ADGRE3: variants seen among roughly 807,000 people sequenced by gnomAD.
ADGRE3 encodes adhesion G protein-coupled receptor E3.
Under a neutral mutation model 80.1 loss-of-function variants are expected in ADGRE3, and 88 were observed. The observed-to-expected ratio is 1.10, with a 90% confidence interval of 0.93 to 1.31. The LOEUF is 1.31. Ranked by LOEUF, ADGRE3 falls within the 40% of genes most tolerant of loss-of-function variation. ADGRE3 has a pLI of 0.00. For missense variants in ADGRE3, 715 were observed against 776.5 expected (o/e 0.92, Z 0.94); for synonymous variants, 281 against 294.8 (o/e 0.95, Z 0.48).
chr19:14,668,620 T>A (rs1972168426), intron 2 of ADGRE3, 182 bp downstream of exon 2: 1 of 550,898 alleles, frequency 1.8e-6, no homozygotes, highest in South Asian at 2.6e-5. Context: ...AAACGATAAA[T>A]AAAAGGCTAT....
At position 14,640,503 on chromosome 19, in the gene ADGRE3, C is replaced by A. The variant is rs113819423; in HGVS notation, c.1248+916G>T. 3.2e-3 allele frequency among the ~76,000 whole-genome samples: 489 copies of A among 152,092 alleles called. 1 individual carries two copies. The highest frequency in any genetic ancestry group is 5.5e-3 in the Non-Finnish European group (373 of 67,996). On this transcript the variant is annotated intron_variant, in intron 10 of 15. Coordinates refer to ENST00000253673, the MANE Select transcript of ADGRE3 (RefSeq NM_032571.5). ...ACGGAGTTTTGCCATGTTGACCAGG[C>A]TGGCCTTGAACTCCTGACCTCAGGT...
chr19:14,606,778 G>A, the ADGRE3 span, among the ~76,000 whole-genome samples: 150,404 of 152,152 alleles, frequency 0.99, 74,339 homozygotes, highest in Middle Eastern at 1. Context: ...GGAGCAGTTC[G>A]CAGATTGCAT....
chr19:14,612,490 G>A, the ADGRE3 span, among the ~76,000 whole-genome samples: 4 of 152,030 alleles, frequency 2.6e-5, no homozygotes, highest in East Asian at 3.9e-4. Context: ...GTGCACCACC[G>A]TGCCTGGTTA....
chr19:14,626,035 G>A (rs143005133), intron 14 of ADGRE3, among the ~76,000 whole-genome samples: 39 of 152,236 alleles, frequency 2.6e-4, no homozygotes, highest in African/African-American at 8.2e-4. Context: ...ACCACATTGC[G>A]AATGTGATGC....
downstream of ADGRE3, among the ~76,000 whole-genome samples, chr19:14,616,919 T>A (rs2146780747): frequency 6.6e-6 from 1 of 151,176 alleles, no homozygotes; most frequent in Non-Finnish European, 1.5e-5. Context: ...CTCAGCCTCC[T>A]GAGTAGCTGG....
At chr19:14,612,634 C>G in the ADGRE3 span, among the ~76,000 whole-genome samples, 1 of 152,228 alleles carries the variant, frequency 6.6e-6, no homozygotes, top group South Asian at 2.1e-4. Flanking sequence ...TGTGCTGGGC[C>G]TACAACGACC....
At chr19:14,648,763 G>A (rs951042009) in intron 7 of ADGRE3, among the ~76,000 whole-genome samples, 1 of 152,164 alleles carries the variant, frequency 6.6e-6, no homozygotes, top group African/African-American at 2.4e-5. Flanking sequence ...CTGAGAAAGA[G>A]GTAGTTCTGG....
downstream of ADGRE3, among the ~76,000 whole-genome samples, chr19:14,617,346 C>CTTTCTTTCTTTCTTTCTTTCTTTCTT (rs1568469481): frequency 2.8e-3 from 204 of 72,688 alleles, 1 homozygote; most frequent in Middle Eastern, 6.1e-3. Flanking sequence ...CCCTCCCTTT[C>CTTTCTTTCTTTCTTTCTTTCTTTCTT]TTTCTTTCTT....
intron 15 of ADGRE3, among the ~76,000 whole-genome samples, chr19:14,619,930 G>A (rs532383783): frequency 2.0e-5 from 3 of 152,330 alleles, no homozygotes; most frequent in African/African-American, 7.2e-5. Context: ...AGAAGCCTAT[G>A]AGGTTAGTGC....
intron 2 of ADGRE3, among the ~76,000 whole-genome samples, chr19:14,665,085 A>G (rs1474413846): frequency 9.1e-6 from 1 of 109,714 alleles, no homozygotes; most frequent in African/African-American, 3.8e-5. Flanking sequence ...TTTTTTTGAG[A>G]CAGAGTCTCG....
chr19:14,662,145 A>G lies in ADGRE3; in HGVS notation c.200-27T>C, dbSNP rs376735197. The G allele has an allele frequency of 1.7e-3, 2,760 of 1,611,846 alleles. 57 individuals are homozygous for G. In the South Asian group the frequency reaches 0.029, roughly 17 times the overall value. ...TGGAACACAAAGAAGCAATTGGGTC[A>G]TTCATTCAGCAAAGATTTATTGAGC... On this transcript the variant is annotated intron_variant, in intron 3 of 15. Coordinates refer to ENST00000253673, the MANE Select transcript of ADGRE3 (RefSeq NM_032571.5).
chr19:14,627,151 C>T (rs1736604242), intron 14 of ADGRE3, among the ~76,000 whole-genome samples: 2 of 152,172 alleles, frequency 1.3e-5, no homozygotes, highest in Admixed American at 6.5e-5. Flanking sequence ...TAGCGGTATC[C>T]CTGACCTCCA....
Position 14,632,996 on chromosome 19 carries a change from A to C in ADGRE3, c.1568T>G (p.Phe523Cys), listed in dbSNP as rs142461083. ...CAIFSANLVL[F>C]ILVFWILKRK... ...TTTCAAAATCCAAAAGACCAAGATA[A>C]ACAATACTAAATTCGCCTGCAGGAC... is the stretch of plus-strand genomic sequence containing the variant. Residue 523 changes from phenylalanine (F) to cysteine (C), a missense_variant, in exon 13 of 16, where the codon TTT becomes TGT. Coordinates refer to ENST00000253673, the MANE Select transcript of ADGRE3 (RefSeq NM_032571.5). 469 of 1,613,744 alleles carry C rather than the reference A, an allele frequency of 2.9e-4. 1 individual carries two copies. The African/African-American group carries it at 3.4e-3, about 12-fold the overall frequency.
intron 5 of ADGRE3, among the ~76,000 whole-genome samples, chr19:14,655,646 T>G (rs1971734073): frequency 6.6e-6 from 1 of 151,752 alleles, no homozygotes. Context: ...TTTTTTTGTA[T>G]AGACAGGGTC....
At chr19:14,669,520 T>G (rs1051472206) in intron 1 of ADGRE3, among the ~76,000 whole-genome samples, 4 of 152,054 alleles carry the variant, frequency 2.6e-5, no homozygotes, top group African/African-American at 9.7e-5. Context: ...ACAGAGTCTC[T>G]TTCTGTCACT....
chr19:14,644,881 A>G, intron 8 of ADGRE3, among the ~76,000 whole-genome samples: 1 of 151,870 alleles, frequency 6.6e-6, no homozygotes, highest in East Asian at 2.0e-4. Flanking sequence ...GTGTACCACC[A>G]TGCCCAGCTA....
intron 14 of ADGRE3, among the ~76,000 whole-genome samples, chr19:14,625,914 G>A (rs964074992): frequency 3.3e-5 from 5 of 152,036 alleles, no homozygotes; most frequent in African/African-American, 7.2e-5. Context: ...GTAGAAGAGC[G>A]GTTTCCAGGG....
chr19:14,646,358 C>T (rs889527096), intron 8 of ADGRE3, among the ~76,000 whole-genome samples: 1 of 152,180 alleles, frequency 6.6e-6, no homozygotes, highest in Non-Finnish European at 1.5e-5. Context: ...TCATGATCCC[C>T]CCACCTTGGC....
At chr19:14,632,363 T>C (rs1207617412) in intron 13 of ADGRE3, among the ~76,000 whole-genome samples, 1 of 152,214 alleles carries the variant, frequency 6.6e-6, no homozygotes, top group Non-Finnish European at 1.5e-5. Flanking sequence ...CGAATGTTTT[T>C]CTCCCTTTTC....
Sources: gnomAD v4.1 joint callset for allele counts (sites outside exome capture counted in the v4.1 genomes callset) on GRCh38, gnomAD v4.1.1 for gene constraint, MANE v1.5 for transcripts, NCBI Gene and HGNC (gene_info 2026-07-23, HGNC 2026-07-21) for gene names.